The following DLC1 variants were observed in gnomAD, a reference collection of about 807,000 sequenced individuals.
DLC1 encodes the protein DLC1 Rho GTPase activating protein, also known as rho GTPase-activating protein 7.
In DLC1, 54 loss-of-function variants were observed where a neutral mutation model predicts 140.3. That is an observed-to-expected ratio of 0.38 (90% confidence interval 0.31 to 0.48). The LOEUF is 0.48. DLC1 is among the 20% of genes least tolerant of loss of function. DLC1 has a pLI of 0.96. For synonymous variants in DLC1, 986 were observed against 728.1 expected (o/e 1.35, Z -5.70); for missense variants, 2,536 against 1,907.0 (o/e 1.33, Z -6.14).
intron 2 of DLC1, among the ~76,000 whole-genome samples, chr8:13,403,534 T>C (rs1196689489): frequency 6.6e-6 from 1 of 152,224 alleles, no homozygotes; most frequent in Admixed American, 6.5e-5. Context: ...TATAAAGTGG[T>C]AAGTTTCATT....
intron 5 of DLC1, among the ~76,000 whole-genome samples, chr8:13,286,488 T>TA (rs1276623137): frequency 6.6e-6 from 1 of 152,190 alleles, no homozygotes; most frequent in African/African-American, 2.4e-5. Context: ...TCATTCATTA[T>TA]AAAAGTATAA....
At chr8:13,457,930 A>G (rs1267862963) in intron 2 of DLC1, among the ~76,000 whole-genome samples, 1 of 152,092 alleles carries the variant, frequency 6.6e-6, no homozygotes, top group African/African-American at 2.4e-5. Context: ...ATTGATCCAA[A>G]TTCCTGTCAT....
At chr8:13,277,403 T>C (rs1831215975) in intron 5 of DLC1, among the ~76,000 whole-genome samples, 1 of 152,214 alleles carries the variant, frequency 6.6e-6, no homozygotes, top group Non-Finnish European at 1.5e-5. Context: ...TACTTCTACT[T>C]ACAGTGGTTT....
At chr8:13,267,729 AGTGT>A (rs58701617) in intron 5 of DLC1, among the ~76,000 whole-genome samples, 54,188 of 140,160 alleles carry the variant, frequency 0.39, 10,755 homozygotes, top group East Asian at 0.58. Context: ...ATTCCTGAGG[AGTGT>A]GTGTGTGTGT....
At chr8:13,601,528 C>G (rs1427101279) in intron 1 of DLC1, among the ~76,000 whole-genome samples, 3 of 151,612 alleles carry the variant, frequency 2.0e-5, no homozygotes, top group South Asian at 2.1e-4. Context: ...TATCATAACA[C>G]TACTATTCAT....
intron 5 of DLC1, among the ~76,000 whole-genome samples, chr8:13,228,530 G>T (rs951635551): frequency 1.3e-5 from 2 of 152,020 alleles, no homozygotes; most frequent in African/African-American, 4.8e-5. Flanking sequence ...ATTGGGAGGA[G>T]TTTGAGACCA....
chr8:13,151,940 G>A (rs1823851126), intron 5 of DLC1, among the ~76,000 whole-genome samples: 1 of 152,162 alleles, frequency 6.6e-6, no homozygotes, highest in Non-Finnish European at 1.5e-5. Flanking sequence ...TTCAGACCCT[G>A]TTCCTGCAGG....
At position 13,275,132 on chromosome 8, in the gene DLC1, G is replaced by C. The variant is rs976559673; in HGVS notation, c.1348+30137C>G. On this transcript the variant is annotated intron_variant, in intron 5 of 17. Coordinates refer to ENST00000276297, the MANE Select transcript of DLC1 (RefSeq NM_182643.3). ...TTGTTTACTTTCTCCGTCAGTCCTGGGGAATATTGTTTAGTGCAACAGACA... is the reference window on the plus strand; with the variant it reads ...TTGTTTACTTTCTCCGTCAGTCCTGCGGAATATTGTTTAGTGCAACAGACA... Among the ~76,000 whole-genome samples, 3 of 152,258 alleles carry C rather than the reference G, an allele frequency of 2.0e-5. No individual in the cohort carries two copies. In the South Asian group the frequency reaches 6.2e-4, roughly 32 times the overall value.
chr8:13,567,175 C>G (rs1446758852), intron 1 of DLC1: 4 of 1,551,640 alleles, frequency 2.6e-6, no homozygotes, highest in African/African-American at 2.7e-5. Context: ...AAAGCAGACT[C>G]CAAGCTTGGA....
rs142685148 is a variant in DLC1, at chr8:13,298,005, A to C, written c.1348+7264T>G. Among the ~76,000 whole-genome samples the C allele has an allele frequency of 7.9e-5, 12 of 152,294 alleles. 1 individual carries two copies. Among genetic ancestry groups the C allele is most frequent in the African/African-American group, 2.9e-4 (12 of 41,560 alleles). On this transcript the variant is annotated intron_variant, in intron 5 of 17. Transcript: ENST00000276297. ...TATGTTTACAAGGAGCTTGGAATAA[A>C]ATTATGAAAATTCTGATTTTTCCCT...
intron 1 of DLC1, among the ~76,000 whole-genome samples, chr8:13,530,344 A>G (rs1437534244): frequency 6.6e-6 from 1 of 152,234 alleles, no homozygotes; most frequent in East Asian, 1.9e-4. Flanking sequence ...AAATAAATTT[A>G]CTGCTGAGTT....
intron 5 of DLC1, among the ~76,000 whole-genome samples, chr8:13,170,708 C>T (rs927131303): frequency 5.3e-5 from 7 of 131,250 alleles, no homozygotes; most frequent in East Asian, 4.3e-4. Flanking sequence ...CCAGCCTGGG[C>T]GACAGAGCAA....
chr8:13,541,290 T>G (rs925067119), intron 1 of DLC1, among the ~76,000 whole-genome samples: 1 of 152,188 alleles, frequency 6.6e-6, no homozygotes, highest in Non-Finnish European at 1.5e-5. Context: ...TGCAAAGATG[T>G]GTTTTCTTTC....
intron 2 of DLC1, among the ~76,000 whole-genome samples, chr8:13,423,293 C>G (rs1022665826): frequency 1.3e-5 from 2 of 152,102 alleles, no homozygotes; most frequent in African/African-American, 4.8e-5. Flanking sequence ...TGAACATTTT[C>G]TGCTCTTCCT....
chr8:13,258,393 G>A (rs1424539362), intron 5 of DLC1, among the ~76,000 whole-genome samples: 1 of 152,152 alleles, frequency 6.6e-6, no homozygotes. Context: ...AAAAACATAG[G>A]AAGATAGGAG....
Position 13,555,054 on chromosome 8 carries a change from G to A in DLC1, c.-126+49483C>T, listed in dbSNP as rs183625597. 3.3e-5 allele frequency among the ~76,000 whole-genome samples: 5 copies of A among 152,140 alleles called. No individual in the cohort carries two copies. In the East Asian group the frequency reaches 9.7e-4, roughly 29 times the overall value. ...CTTGTAACACTTGCTCTTCTCATTGGCTGTTCTCTTAGTCTGTAACACTTT... is the reference window on the plus strand; with the variant it reads ...CTTGTAACACTTGCTCTTCTCATTGACTGTTCTCTTAGTCTGTAACACTTT... On this transcript the variant is annotated intron_variant, in intron 1 of 1. Transcript: ENST00000631382.
intron 4 of DLC1, among the ~76,000 whole-genome samples, chr8:13,380,851 C>A (rs748722915): frequency 6.6e-6 from 1 of 152,134 alleles, no homozygotes; most frequent in Non-Finnish European, 1.5e-5. Flanking sequence ...ATTCTCCTGC[C>A]TTCTTGGAGG....
At chr8:13,138,236 T>C (rs1563670877) in intron 5 of DLC1, among the ~76,000 whole-genome samples, 1 of 152,214 alleles carries the variant, frequency 6.6e-6, no homozygotes, top group Admixed American at 6.5e-5. Flanking sequence ...AGGACCCCTC[T>C]GAGAAGACAG....
At chr8:13,554,078 T>G (rs560999920) in intron 1 of DLC1, among the ~76,000 whole-genome samples, 1 of 152,146 alleles carries the variant, frequency 6.6e-6, no homozygotes, top group East Asian at 1.9e-4. Context: ...GCTTGTTTTG[T>G]TTTTTTGAGA....
Sources: allele counts gnomAD v4.1 joint callset (sites outside exome capture counted in the v4.1 genomes callset), GRCh38; gene constraint gnomAD v4.1.1; transcripts MANE v1.5; gene names NCBI Gene and HGNC (gene_info 2026-07-23, HGNC 2026-07-21).